DGKB: variants seen among roughly 807,000 people sequenced by gnomAD.
DGKB encodes diacylglycerol kinase beta, also known as 90 kDa diacylglycerol kinase.
DGKB carries 67 observed loss-of-function variants against 114.3 expected under a neutral mutation model. The ratio of observed to expected loss-of-function variants is 0.59; its 90% CI spans 0.48 to 0.72. DGKB has a LOEUF of 0.72. Among genes scored for constraint, DGKB ranks in the 30% least tolerant of loss-of-function variants. DGKB has a pLI of 0.00. For missense variants in DGKB, 907 were observed against 975.2 expected (o/e 0.93, Z 0.93); for synonymous variants, 398 against 323.1 (o/e 1.23, Z -2.49).
At chr7:14,269,852 A>G (rs1424042643) in intron 23 of DGKB, among the ~76,000 whole-genome samples, 2 of 152,152 alleles carry the variant, frequency 1.3e-5, no homozygotes, top group African/African-American at 2.4e-5. Flanking sequence ...TACACAGAGA[A>G]GACTTTATAA....
intron 23 of DGKB, chr7:14,269,018 C>CA (rs1797908757): frequency 6.6e-6 from 1 of 152,152 alleles, no homozygotes; most frequent in African/African-American, 2.4e-5. Flanking sequence ...AAGCCATCAC[C>CA]AAGAAGCTGA....
intron 1 of DGKB, among the ~76,000 whole-genome samples, chr7:14,908,739 A>G: frequency 6.6e-6 from 1 of 152,188 alleles, no homozygotes; most frequent in East Asian, 1.9e-4. Flanking sequence ...AAAGACAGGT[A>G]ACTTGAAAGG....
upstream of DGKB, among the ~76,000 whole-genome samples, chr7:14,905,347 T>A (rs569204834): frequency 1.3e-5 from 2 of 150,218 alleles, no homozygotes; most frequent in East Asian, 3.9e-4. Flanking sequence ...AGGAAGAAAA[T>A]TTTCAGTTAA....
intron 23 of DGKB, among the ~76,000 whole-genome samples, chr7:14,305,766 G>T (rs890486253): frequency 3.3e-5 from 5 of 151,996 alleles, no homozygotes; most frequent in Admixed American, 2.6e-4. Context: ...ATTCTCTTTA[G>T]CTTTCTCATT....
At chr7:14,173,511 GA>G (rs1187597053) in intron 25 of DGKB, among the ~76,000 whole-genome samples, 4 of 152,004 alleles carry the variant, frequency 2.6e-5, no homozygotes, top group African/African-American at 9.7e-5. Context: ...TCTACTAATA[GA>G]AAAAACAGAA....
chr7:14,804,386 T>A (rs57037859), intron 2 of DGKB, among the ~76,000 whole-genome samples: 52,131 of 151,798 alleles, frequency 0.34, 11,281 homozygotes, highest in African/African-American at 0.6. Context: ...GTCTAAGTAT[T>A]TATTTTCTAT....
intron 2 of DGKB, among the ~76,000 whole-genome samples, chr7:14,829,608 A>T (rs1213606272): frequency 6.6e-6 from 1 of 152,066 alleles, no homozygotes; most frequent in Non-Finnish European, 1.5e-5. Context: ...TTTCTCCAAG[A>T]TGGATTCTTT....
intron 2 of DGKB, among the ~76,000 whole-genome samples, chr7:14,824,646 A>G (rs1845409493): frequency 6.6e-6 from 1 of 152,098 alleles, no homozygotes; most frequent in Admixed American, 6.6e-5. Flanking sequence ...TTGTCACAGC[A>G]CGTCACAACA....
At chr7:14,234,391 CT>C (rs1274143803) in intron 23 of DGKB, among the ~76,000 whole-genome samples, 2 of 152,020 alleles carry the variant, frequency 1.3e-5, no homozygotes, top group Non-Finnish European at 1.5e-5. Context: ...GGTTCTTAAA[CT>C]ACTTGAATGT....
At chr7:14,275,182 A>G (rs1031786086) in intron 23 of DGKB, among the ~76,000 whole-genome samples, 7 of 152,124 alleles carry the variant, frequency 4.6e-5, no homozygotes, top group African/African-American at 1.7e-4. Context: ...TTCTCATGAC[A>G]TTATAGATTT....
intron 2 of DGKB, among the ~76,000 whole-genome samples, chr7:14,772,968 T>C (rs1837635284): frequency 1.3e-5 from 2 of 152,198 alleles, no homozygotes; most frequent in African/African-American, 4.8e-5. Flanking sequence ...TTGGGTTATC[T>C]TCAATGCTTT....
intron 25 of DGKB, among the ~76,000 whole-genome samples, chr7:14,160,068 TCA>T (rs1783634198): frequency 1.3e-5 from 2 of 152,096 alleles, no homozygotes; most frequent in African/African-American, 4.8e-5. Context: ...TTTGTTCACC[TCA>T]CAGATTTGTC....
At chr7:14,466,217 G>C (rs1397401657) in intron 21 of DGKB, among the ~76,000 whole-genome samples, 1 of 152,076 alleles carries the variant, frequency 6.6e-6, no homozygotes, top group East Asian at 1.9e-4. Flanking sequence ...GAGTGCCTAG[G>C]AGCACTCAAC....
chr7:14,398,878 G>A (rs746917973), intron 21 of DGKB, among the ~76,000 whole-genome samples: 5 of 151,872 alleles, frequency 3.3e-5, no homozygotes, highest in Non-Finnish European at 7.4e-5. Context: ...AAGGTTTTCA[G>A]GTTGGTTGTG....
intron 23 of DGKB, among the ~76,000 whole-genome samples, chr7:14,272,247 A>G (rs1798372275): frequency 6.6e-6 from 1 of 152,106 alleles, no homozygotes; most frequent in South Asian, 2.1e-4. Context: ...AAGACAATAT[A>G]AAACATGTAA....
intron 5 of DGKB, among the ~76,000 whole-genome samples, chr7:14,725,781 C>G (rs1438993029): frequency 3.3e-5 from 5 of 152,084 alleles, no homozygotes; most frequent in African/African-American, 9.7e-5. Flanking sequence ...CTCCCGACCT[C>G]AAGTGATCTC....
intron 23 of DGKB, among the ~76,000 whole-genome samples, chr7:14,279,740 C>T (rs1375125581): frequency 6.6e-6 from 1 of 151,234 alleles, no homozygotes; most frequent in Non-Finnish European, 1.5e-5. Flanking sequence ...CACCCTCCAG[C>T]AGGGGCACAC....
chr7:14,687,468 T>C (rs1374331543), intron 9 of DGKB, among the ~76,000 whole-genome samples: 1 of 152,140 alleles, frequency 6.6e-6, no homozygotes, highest in Non-Finnish European at 1.5e-5. Context: ...CTATTTTGGT[T>C]TCGGTGAGTC....
intron 25 of DGKB, among the ~76,000 whole-genome samples, chr7:14,172,727 C>A (rs1057471775): frequency 2.0e-5 from 3 of 152,012 alleles, no homozygotes; most frequent in Non-Finnish European, 4.4e-5. Context: ...TCACTTCTCA[C>A]TTAAACTTTA....
Sources: allele counts gnomAD v4.1 joint callset (sites outside exome capture counted in the v4.1 genomes callset), GRCh38; gene constraint gnomAD v4.1.1; transcripts MANE v1.5; gene names NCBI Gene and HGNC (gene_info 2026-07-23, HGNC 2026-07-21).